The following ARHGEF10 variants were observed in gnomAD, a reference collection of about 807,000 sequenced individuals.
ARHGEF10 encodes Rho guanine nucleotide exchange factor 10, also known as Rho guanine nucleotide exchange factor (GEF) 10.
A neutral mutation model predicts 147.4 loss-of-function variants in ARHGEF10; 140 were observed. The ratio of observed to expected loss-of-function variants is 0.95; its 90% CI spans 0.83 to 1.09. The LOEUF (loss-of-function observed/expected upper bound fraction) is 1.09, where lower values mean the gene tolerates loss of function less well. Ranked by LOEUF, ARHGEF10 falls within the 50% of genes least tolerant of loss-of-function variation. The pLI is 0.00. For missense variants in ARHGEF10, 2,222 were observed against 1,752.7 expected (o/e 1.27, Z -4.78); for synonymous variants, 902 against 695.8 (o/e 1.30, Z -4.67).
At chr8:1,839,279 GCTGTCTGGTGTGGGTA>G (rs1803794234) in intron 1 of ARHGEF10, among the ~76,000 whole-genome samples, 2 of 138,948 alleles carry the variant, frequency 1.4e-5, no homozygotes, top group Admixed American at 7.1e-5. Context: ...TGGTGTGGAA[GCTGTCTGGTGTGGGTA>G]CTGTCCGGTG....
intron 28 of ARHGEF10, among the ~76,000 whole-genome samples, chr8:1,954,634 ACACTG>A (rs1815332452): frequency 6.6e-6 from 1 of 152,188 alleles, no homozygotes; most frequent in Non-Finnish European, 1.5e-5. Flanking sequence ...TGTGACTCAC[ACACTG>A]AGCCTCAGCT....
At chr8:1,849,489 G>A (rs11775159) in intron 2 of ARHGEF10, among the ~76,000 whole-genome samples, 19,279 of 145,226 alleles carry the variant, frequency 0.13, 1,319 homozygotes, top group South Asian at 0.18. Context: ...TGAGGGGGGC[G>A]TGGGGCAGCC....
chr8:1,860,999 C>T (rs925310727), intron 4 of ARHGEF10, among the ~76,000 whole-genome samples: 1 of 152,164 alleles, frequency 6.6e-6, no homozygotes, highest in African/African-American at 2.4e-5. Flanking sequence ...TCAGAGCCAC[C>T]TGGGGCAGCA....
At chr8:1,922,567 C>T (rs912352825) in intron 18 of ARHGEF10, among the ~76,000 whole-genome samples, 5 of 152,150 alleles carry the variant, frequency 3.3e-5, no homozygotes, top group African/African-American at 1.2e-4. Flanking sequence ...GAACGCAGTG[C>T]GAGTCCCTGG....
chr8:1,840,336 G>A (rs948839922), intron 1 of ARHGEF10, among the ~76,000 whole-genome samples: 2 of 139,662 alleles, frequency 1.4e-5, no homozygotes, highest in African/African-American at 2.8e-5. Flanking sequence ...GAAGCTGTCC[G>A]ATATGGGGAC....
intron 9 of ARHGEF10, among the ~76,000 whole-genome samples, chr8:1,881,938 A>C (rs1808232766): frequency 6.6e-6 from 1 of 152,158 alleles, no homozygotes; most frequent in Non-Finnish European, 1.5e-5. Context: ...GTTTTTAAGG[A>C]ATAAGAAATC....
intron 27 of ARHGEF10, among the ~76,000 whole-genome samples, chr8:1,950,211 G>A (rs1349949120): frequency 3.3e-5 from 5 of 152,170 alleles, no homozygotes; most frequent in East Asian, 1.9e-4. Context: ...TCCAACTCCC[G>A]GGACCCAGCC....
Position 1,948,811 on chromosome 8 carries a change from T to A in ARHGEF10, c.3397+3156T>A, listed in dbSNP as rs1297355612. 2.6e-5 allele frequency among the ~76,000 whole-genome samples: 4 copies of A among 152,214 alleles called. No homozygotes were observed. On this transcript the variant is annotated intron_variant, in intron 27 of 28. Transcript: ENST00000349830. This position sits in a 1 kb window ranked among gnomAD's most constrained non-coding sequence, Gnocchi z 4.9. ...AAGCATTATTGCATTTCATGCTGTA[T>A]TTAGACATTCCGGTGGGGGCATGCT...
rs1279783320 is a variant in ARHGEF10, at chr8:1,941,236, C to T, written c.3223-4245C>T. 2.0e-5 allele frequency among the ~76,000 whole-genome samples: 3 copies of T among 152,292 alleles called. No homozygotes were observed. The East Asian group carries it at 5.8e-4, about 29-fold the overall frequency. Reference sequence around the variant, plus strand: ...TTCTGAGGAATTCACAGCAAAACTACTAGACTAATAAACAGGTTGAGCAAG... The same window carrying T: ...TTCTGAGGAATTCACAGCAAAACTATTAGACTAATAAACAGGTTGAGCAAG... On this transcript the variant is annotated intron_variant, in intron 26 of 28. Transcript: ENST00000349830.
intron 1 of ARHGEF10, among the ~76,000 whole-genome samples, chr8:1,842,759 C>T (rs929115641): frequency 9.2e-5 from 14 of 152,242 alleles, no homozygotes; most frequent in Admixed American, 3.3e-4. Flanking sequence ...TGGCATCTAG[C>T]TCACACTCAA....
intron 18 of ARHGEF10, among the ~76,000 whole-genome samples, chr8:1,909,732 C>A (rs145263923): frequency 5.4e-4 from 82 of 152,308 alleles, no homozygotes; most frequent in African/African-American, 1.8e-3. Flanking sequence ...AAGTGGATTC[C>A]GTCTTCCCGG....
chr8:1,928,927 T>C (rs753158963), intron 24 of ARHGEF10, among the ~76,000 whole-genome samples: 2 of 152,176 alleles, frequency 1.3e-5, no homozygotes, highest in Non-Finnish European at 2.9e-5. Context: ...TTTATATTAA[T>C]GGTTTTGAAA....
chr8:1,931,457 T>C (rs1585585379), intron 25 of ARHGEF10, among the ~76,000 whole-genome samples: 1 of 152,352 alleles, frequency 6.6e-6, no homozygotes, highest in East Asian at 1.9e-4. Context: ...CAGGGCTGTG[T>C]TTTCGCCTTG....
chr8:1,942,028 G>A (rs1270630448), intron 26 of ARHGEF10, among the ~76,000 whole-genome samples: 1 of 152,026 alleles, frequency 6.6e-6, no homozygotes, highest in African/African-American at 2.4e-5. Context: ...AGAAATTATA[G>A]GGGTAAATCC....
chr8:1,899,979 C>T (rs532145302), intron 15 of ARHGEF10, among the ~76,000 whole-genome samples: 75 of 152,334 alleles, frequency 4.9e-4, no homozygotes, highest in African/African-American at 1.8e-3. Flanking sequence ...TAGCGATGCG[C>T]CAGTGAGTCC....
intron 2 of ARHGEF10, among the ~76,000 whole-genome samples, chr8:1,844,799 G>C (rs979039564): frequency 6.6e-6 from 1 of 152,146 alleles, no homozygotes; most frequent in Non-Finnish European, 1.5e-5. Context: ...GGGCACCTCA[G>C]CTCACACCTG....
chr8:1,857,890 C>CTATCTA, intron 2 of ARHGEF10, 70 bp from the exon 3 acceptor site: 2 of 1,036,634 alleles, frequency 1.9e-6, no homozygotes, highest in Non-Finnish European at 3.0e-6. Flanking sequence ...ATCTATCTAT[C>CTATCTA]TATCTATCTA....
chr8:1,856,168 T>C (rs546895977), intron 2 of ARHGEF10, among the ~76,000 whole-genome samples: 1 of 152,350 alleles, frequency 6.6e-6, no homozygotes, highest in Non-Finnish European at 1.5e-5. Flanking sequence ...GAGTTCACCA[T>C]CCAGAAGGAC....
chr8:1,854,884 G>A (rs184895177), intron 2 of ARHGEF10, among the ~76,000 whole-genome samples: 15 of 152,258 alleles, frequency 9.9e-5, no homozygotes, highest in African/African-American at 2.6e-4. Context: ...AACGCATGCG[G>A]TTCTTCTCAG....
Sources: gnomAD v4.1 joint callset for allele counts (sites outside exome capture counted in the v4.1 genomes callset) on GRCh38, gnomAD v4.1.1 for gene constraint, Gnocchi (gnomAD v3.1) non-coding constraint, MANE v1.5 for transcripts, NCBI Gene and HGNC (gene_info 2026-07-23, HGNC 2026-07-21) for gene names.